ENPP4: variants seen among roughly 807,000 people sequenced by gnomAD.
ENPP4 encodes bis(5'-adenosyl)-triphosphatase ENPP4.
ENPP4 carries 18 observed loss-of-function variants against 33.4 expected under a neutral mutation model. The observed-to-expected ratio is 0.54, with a 90% CI of 0.37 to 0.80. The LOEUF (loss-of-function observed/expected upper bound fraction) is 0.80, where lower values mean the gene tolerates loss of function less well. Ranked by LOEUF, ENPP4 falls within the 30% of genes least tolerant of loss-of-function variation. The pLI is 0.00. For missense variants in ENPP4, 480 were observed against 541.7 expected (o/e 0.89, Z 1.13); for synonymous variants, 172 against 189.9 (o/e 0.91, Z 0.78).
At position 46,143,757 on chromosome 6, in the gene ENPP4, A is replaced by G. The variant is rs1325136772; in HGVS notation, c.*117A>G. ...TTTGAAAGACAAAGAACTTAGACTA[A>G]GCATGTTAAAATTATTACTTTGTTT... On this transcript the variant is annotated 3_prime_UTR_variant, in exon 4 of 4. Coordinates refer to ENST00000321037, the MANE Select transcript of ENPP4 (RefSeq NM_014936.5). 1 of 1,055,136 alleles carries G rather than the reference A, an allele frequency of 9.5e-7. No individual in the cohort carries two copies. The highest frequency in any genetic ancestry group is 1.4e-6 in the Non-Finnish European group (1 of 730,934). The allele number at this position is 1,055,136 out of a possible 1,614,324, so 65.4% of individuals were successfully genotyped here.
chr6:46,146,448 A>C lies in ENPP4; in HGVS notation c.*2808A>C, dbSNP rs1432032077. On this transcript the variant is annotated 3_prime_UTR_variant, in exon 4 of 4. Coordinates refer to ENST00000321037, the MANE Select transcript of ENPP4 (RefSeq NM_014936.5). The stretch of plus-strand genomic sequence containing the variant: ...GGTTTTACTTCCTTGTTAACATATA[A>C]AGTTATAAATGAAGGACAAGGAGGA... 1 of 152,284 alleles carries C rather than the reference A, an allele frequency of 6.6e-6. No homozygotes were observed. The highest frequency in any genetic ancestry group is 1.9e-4 in the East Asian group (1 of 5,198). 9.4% of individuals were successfully genotyped at this position (152,284 alleles called of 1,614,324 possible).
At chr6:46,134,984 G>A (rs541495825) in intron 1 of ENPP4, among the ~76,000 whole-genome samples, 12 of 152,038 alleles carry the variant, frequency 7.9e-5, no homozygotes, top group South Asian at 4.1e-4. Flanking sequence ...TACATTTAGC[G>A]TATTTATCCA....
chr6:46,135,522 T>C (rs1305562857), intron 1 of ENPP4, among the ~76,000 whole-genome samples: 1 of 152,108 alleles, frequency 6.6e-6, no homozygotes, highest in Non-Finnish European at 1.5e-5. Context: ...ATCTGACTTT[T>C]ATTATTGAGT....
chr6:46,138,657 C>G (rs1764010253), intron 1 of ENPP4, among the ~76,000 whole-genome samples: 1 of 151,822 alleles, frequency 6.6e-6, no homozygotes, highest in South Asian at 2.1e-4. Flanking sequence ...GAAGAGGCAT[C>G]CTGTCCATCT....
At position 46,130,007 on chromosome 6, in the gene ENPP4, G is replaced by A. The variant is rs1020751471; in HGVS notation, c.-216G>A. 7.9e-5 allele frequency: 12 copies of A among 152,276 alleles called. No individual in the cohort carries two copies. The highest frequency in any genetic ancestry group is 2.9e-4 in the African/African-American group (12 of 41,472). 9.4% of individuals were successfully genotyped at this position (152,276 alleles called of 1,614,324 possible). ...TGCGCACACTCGGAGCGCCCCGAGC[G>A]GCGCAGATAGGGACGTTGGGGCTGT... is the stretch of plus-strand genomic sequence containing the variant. On this transcript the variant is annotated 5_prime_UTR_variant, in exon 1 of 4. Coordinates refer to ENST00000321037, the MANE Select transcript of ENPP4 (RefSeq NM_014936.5).
chr6:46,141,701 A>G (rs1382862840), intron 3 of ENPP4, among the ~76,000 whole-genome samples: 1 of 151,726 alleles, frequency 6.6e-6, no homozygotes, highest in Non-Finnish European at 1.5e-5. Flanking sequence ...TGAACAAAAT[A>G]GATACATCAA....
intron 1 of ENPP4, among the ~76,000 whole-genome samples, chr6:46,134,946 A>G (rs531211812): frequency 2.6e-4 from 40 of 152,162 alleles, no homozygotes; most frequent in Middle Eastern, 3.4e-3. Flanking sequence ...GGAATCATAT[A>G]ATAAGTGATT....
At chr6:46,136,268 A>G (rs906405429) in intron 1 of ENPP4, among the ~76,000 whole-genome samples, 4 of 152,028 alleles carry the variant, frequency 2.6e-5, no homozygotes, top group African/African-American at 9.7e-5. Context: ...TTTGAAAAGT[A>G]TAAGTTCTTT....
At chr6:46,134,074 A>G (rs916914241) in intron 1 of ENPP4, among the ~76,000 whole-genome samples, 4 of 152,178 alleles carry the variant, frequency 2.6e-5, no homozygotes, top group African/African-American at 9.7e-5. Flanking sequence ...CGAAGAGATG[A>G]GACTAAATTA....
Position 46,146,256 on chromosome 6 carries a change from A to G in ENPP4, c.*2616A>G, listed in dbSNP as rs924769916. The G allele has an allele frequency of 3.3e-5, 5 of 152,420 alleles. No homozygotes were observed. In the East Asian group the frequency reaches 7.7e-4, roughly 24 times the overall value. The allele number at this position is 152,420 out of a possible 1,614,324, so 9.4% of individuals were successfully genotyped here. ...ATAAAACATATTTCAATGTTTGTGT[A>G]TAGGTTTTATATTATTATTCCACTA... On this transcript the variant is annotated 3_prime_UTR_variant, in exon 4 of 4. Coordinates refer to ENST00000321037, the MANE Select transcript of ENPP4 (RefSeq NM_014936.5).
intron 1 of ENPP4, among the ~76,000 whole-genome samples, chr6:46,137,355 T>C (rs1216190162): frequency 6.6e-6 from 1 of 151,858 alleles, no homozygotes; most frequent in Non-Finnish European, 1.5e-5. Context: ...TGGAAAGAAA[T>C]ATTTGGATAT....
chr6:46,133,452 T>C (rs1410652206), intron 1 of ENPP4, among the ~76,000 whole-genome samples: 3 of 152,158 alleles, frequency 2.0e-5, no homozygotes, highest in Non-Finnish European at 4.4e-5. Flanking sequence ...TAGTGACAAA[T>C]ATCTTTCACC....
intron 1 of ENPP4, among the ~76,000 whole-genome samples, chr6:46,138,112 T>C (rs1008957018): frequency 2.6e-5 from 4 of 151,848 alleles, no homozygotes; most frequent in Non-Finnish European, 4.4e-5. Flanking sequence ...TGTTGCATTC[T>C]AACTGCAATC....
rs1444634312 is a variant in ENPP4, at chr6:46,140,551, CTT to C, written c.826+143_826+144del. 190 of 570,748 alleles carry C rather than the reference CTT, an allele frequency of 3.3e-4. No individual in the cohort carries two copies. In the Middle Eastern group the frequency reaches 4.1e-3, roughly 12 times the overall value. 35.4% of individuals were successfully genotyped at this position (570,748 alleles called of 1,614,324 possible). A position where few individuals can be genotyped will look rare whatever the true frequency, so the allele number is the denominator to read the frequency against. On this transcript the variant is annotated intron_variant, in intron 2 of 3. Transcript: ENST00000321037. The stretch of plus-strand genomic sequence containing the variant: ...GAGTGGGATTATATGTTTTTTTCCT[CTT>C]GTTTACAAGTTGAGAGCAGTTGGCC...
chr6:46,132,660 A>G (rs573027143), intron 1 of ENPP4, among the ~76,000 whole-genome samples: 8 of 152,178 alleles, frequency 5.3e-5, no homozygotes, highest in African/African-American at 1.9e-4. Context: ...TTCCATATGA[A>G]CTTTAAAGTA....
At chr6:46,134,602 T>C (rs1348476653) in intron 1 of ENPP4, among the ~76,000 whole-genome samples, 1 of 152,134 alleles carries the variant, frequency 6.6e-6, no homozygotes, top group Admixed American at 6.6e-5. Flanking sequence ...TAAAATTCAC[T>C]TTTTTGAGGT....
At chr6:46,133,360 A>G (rs1763931045) in intron 1 of ENPP4, among the ~76,000 whole-genome samples, 1 of 152,180 alleles carries the variant, frequency 6.6e-6, no homozygotes, top group Non-Finnish European at 1.5e-5. Flanking sequence ...TCTAAAGATA[A>G]CTGCCTTATT....
At chr6:46,131,755 C>A (rs1337251339) in intron 1 of ENPP4, among the ~76,000 whole-genome samples, 2 of 151,550 alleles carry the variant, frequency 1.3e-5, no homozygotes, top group African/African-American at 4.8e-5. Context: ...AATGGTTGAA[C>A]TAGTTTACAG....
At chr6:46,136,744 G>C (rs1341233062) in intron 1 of ENPP4, among the ~76,000 whole-genome samples, 7 of 151,928 alleles carry the variant, frequency 4.6e-5, no homozygotes, top group Non-Finnish European at 7.4e-5. Flanking sequence ...TGTGAGGTAA[G>C]AAAGTGGAAG....
Sources: allele counts gnomAD v4.1 joint callset (sites outside exome capture counted in the v4.1 genomes callset), GRCh38; gene constraint gnomAD v4.1.1; transcripts MANE v1.5; gene names NCBI Gene and HGNC (gene_info 2026-07-23, HGNC 2026-07-21).